RBFOX1: variants seen among roughly 807,000 people sequenced by gnomAD.
The protein encoded by RBFOX1 is RNA binding protein fox-1 homolog 1.
In RBFOX1, 8 loss-of-function variants were observed where a neutral mutation model predicts 57.7. The ratio of observed to expected loss-of-function variants is 0.14; its 90% CI spans 0.08 to 0.25. The LOEUF (loss-of-function observed/expected upper bound fraction) is 0.25, where lower values mean the gene tolerates loss of function less well. Among genes scored for constraint, RBFOX1 ranks in the 10% least tolerant of loss-of-function variants. The pLI, the probability that RBFOX1 is intolerant of heterozygous loss-of-function variation, is 1.00. For synonymous variants in RBFOX1, 326 were observed against 222.4 expected (o/e 1.47, Z -4.15); for missense variants, 611 against 548.5 (o/e 1.11, Z -1.14).
intron 4 of RBFOX1, among the ~76,000 whole-genome samples, chr16:7,075,184 G>C (rs974613827): frequency 4.6e-5 from 7 of 152,210 alleles, no homozygotes. Flanking sequence ...CATAGGTACA[G>C]ACTGCAGTGA....
At position 6,848,503 on chromosome 16, in the gene RBFOX1, C is replaced by T. The variant is rs187534731; in HGVS notation, c.-16+193853C>T. The stretch of plus-strand genomic sequence containing the variant: ...GACTGAAGGCACTATTTGCTATTTT[C>T]GACATTATTGGTCAAATCTAAATAG... On this transcript the variant is annotated intron_variant, in intron 3 of 15. Coordinates refer to ENST00000550418, the MANE Select transcript of RBFOX1 (RefSeq NM_018723.4). Among the ~76,000 whole-genome samples, 16 of 151,486 alleles carry T rather than the reference C, an allele frequency of 1.1e-4. No homozygotes were observed. In the South Asian group the frequency reaches 1.3e-3, roughly 12 times the overall value.
chr16:7,565,176 A>G (rs1001790236), intron 5 of RBFOX1, among the ~76,000 whole-genome samples: 3 of 152,104 alleles, frequency 2.0e-5, no homozygotes, highest in African/African-American at 7.2e-5. Context: ...TTTAATGGAA[A>G]ATAACTTTTC....
intron 2 of RBFOX1, among the ~76,000 whole-genome samples, chr16:6,600,457 T>A (rs1266736875): frequency 6.6e-6 from 1 of 152,228 alleles, no homozygotes; most frequent in African/African-American, 2.4e-5. Flanking sequence ...AGAGGACTTC[T>A]GGCATTCTGA....
chr16:6,486,901 A>T (rs1291096042), intron 2 of RBFOX1, among the ~76,000 whole-genome samples: 1 of 152,150 alleles, frequency 6.6e-6, no homozygotes, highest in African/African-American at 2.4e-5. Context: ...AATCATAGAT[A>T]ATCAGAATAG....
intron 3 of RBFOX1, among the ~76,000 whole-genome samples, chr16:6,937,814 A>G (rs1405608515): frequency 2.0e-5 from 3 of 151,784 alleles, no homozygotes; most frequent in Non-Finnish European, 4.4e-5. Context: ...TAGATTGCAA[A>G]TGTTTCTTTT....
At chr16:7,116,159 G>A (rs1006792967) in intron 4 of RBFOX1, among the ~76,000 whole-genome samples, 3 of 152,212 alleles carry the variant, frequency 2.0e-5, no homozygotes, top group Admixed American at 1.3e-4. Context: ...TCCGTGTCAT[G>A]CACTGCATTT....
intron 2 of RBFOX1, among the ~76,000 whole-genome samples, chr16:5,584,084 G>A (rs1333128366): frequency 1.3e-5 from 2 of 152,140 alleles, no homozygotes; most frequent in East Asian, 3.9e-4. Context: ...GATGTCATGT[G>A]GGTTACTGAC....
chr16:5,739,092 T>C (rs969525827), intron 3 of RBFOX1, among the ~76,000 whole-genome samples: 1 of 152,252 alleles, frequency 6.6e-6, no homozygotes, highest in African/African-American at 2.4e-5. Flanking sequence ...TGTTGCCTTA[T>C]TGTCCTTCTT....
intron 3 of RBFOX1, among the ~76,000 whole-genome samples, chr16:5,834,779 TA>T (rs56264952): frequency 4.4e-5 from 1 of 22,842 alleles, no homozygotes; most frequent in Non-Finnish European, 9.7e-5. Flanking sequence ...GCACAGATGA[TA>T]GATAGATAGA....
chr16:6,878,430 TGA>T (rs2062250920), intron 3 of RBFOX1, among the ~76,000 whole-genome samples: 1 of 152,202 alleles, frequency 6.6e-6, no homozygotes, highest in Non-Finnish European at 1.5e-5. Flanking sequence ...CCAAGATTGC[TGA>T]GAGTCTTTGA....
intron 4 of RBFOX1, among the ~76,000 whole-genome samples, chr16:7,172,690 G>A (rs547274778): frequency 5.0e-4 from 76 of 152,308 alleles, no homozygotes; most frequent in African/African-American, 1.7e-3. Context: ...AAAGCAGGAG[G>A]CAGAGGGGGA....
chr16:5,522,424 A>T (rs2044058359), intron 2 of RBFOX1, among the ~76,000 whole-genome samples: 1 of 152,230 alleles, frequency 6.6e-6, no homozygotes, highest in African/African-American at 2.4e-5. Context: ...GATACATAGT[A>T]TTTGCAGATA....
At chr16:6,773,180 G>GCA (rs2078680507) in intron 3 of RBFOX1, among the ~76,000 whole-genome samples, 1 of 107,462 alleles carries the variant, frequency 9.3e-6, no homozygotes, top group African/African-American at 4.0e-5. Flanking sequence ...TTGTGTGTGT[G>GCA]TGTGTGGGCA....
intron 10 of RBFOX1, among the ~76,000 whole-genome samples, chr16:7,621,986 T>C (rs767125477): frequency 6.6e-6 from 1 of 152,240 alleles, no homozygotes; most frequent in Non-Finnish European, 1.5e-5. Context: ...TTGAGTTTCA[T>C]GCAATTTTCA....
rs1312302833 is a variant in RBFOX1 at position 5,467,335 on chromosome 16, G to T, written c.258+81G>T. ...AGCAATAGAAAAATCTTGCGTCACAGCCCTGCAACTTCACTGCCCAGGGCA... is the reference window on the plus strand; with the variant it reads ...AGCAATAGAAAAATCTTGCGTCACATCCCTGCAACTTCACTGCCCAGGGCA... On this transcript the variant is annotated intron_variant, in intron 2 of 2. Coordinates refer to the RBFOX1 transcript ENST00000585867. 5 of 1,350,182 alleles carry T rather than the reference G, an allele frequency of 3.7e-6. No homozygotes were observed. In the African/African-American group the frequency reaches 7.3e-5, roughly 20 times the overall value. The allele number at this position is 1,350,182 out of a possible 1,614,324, so 83.6% of individuals were successfully genotyped here.
At chr16:5,732,879 G>C (rs1194880456) in intron 3 of RBFOX1, among the ~76,000 whole-genome samples, 2 of 152,034 alleles carry the variant, frequency 1.3e-5, no homozygotes, top group Non-Finnish European at 2.9e-5. Context: ...GACCCCAAAA[G>C]GAAAATAAAA....
At chr16:7,363,049 C>A (rs918761989) in intron 4 of RBFOX1, among the ~76,000 whole-genome samples, 1 of 152,160 alleles carries the variant, frequency 6.6e-6, no homozygotes, top group African/African-American at 2.4e-5. Context: ...CTGTAAATCA[C>A]CCAGTGTGGG....
rs1212583163 is a variant in RBFOX1, at chr16:5,415,728, A to G, written c.220-51488A>G. Among the ~76,000 whole-genome samples the G allele has an allele frequency of 2.6e-5, 4 of 152,242 alleles. No homozygotes were observed. In the East Asian group the frequency reaches 7.7e-4, roughly 29 times the overall value. On this transcript the variant is annotated intron_variant, in intron 1 of 2. Coordinates refer to the RBFOX1 transcript ENST00000585867. Reference sequence around the variant, plus strand: ...CTCTAAAAGTAAATGTGTTTATGTAAAAAGGTGATTATATTTAAAGAGAAA... The same window carrying G: ...CTCTAAAAGTAAATGTGTTTATGTAGAAAGGTGATTATATTTAAAGAGAAA...
intron 3 of RBFOX1, among the ~76,000 whole-genome samples, chr16:6,949,528 C>G (rs2080255965): frequency 6.6e-6 from 1 of 152,106 alleles, no homozygotes; most frequent in Admixed American, 6.5e-5. Flanking sequence ...CTTCTTGGGC[C>G]TCTCTCCCTG....
Sources: allele counts gnomAD v4.1 joint callset (sites outside exome capture counted in the v4.1 genomes callset), GRCh38; gene constraint gnomAD v4.1.1; transcripts MANE v1.5; gene names NCBI Gene and HGNC (gene_info 2026-07-23, HGNC 2026-07-21).